SMARCA2: variants seen among roughly 807,000 people sequenced by gnomAD.
SMARCA2 encodes the protein SWI/SNF related BAF chromatin remodeling complex subunit ATPase 2.
A neutral mutation model predicts 199.8 loss-of-function variants in SMARCA2; 61 were observed. That is an observed-to-expected ratio of 0.31 (90% confidence interval 0.25 to 0.38). The LOEUF (loss-of-function observed/expected upper bound fraction) is 0.38. Among genes scored for constraint, SMARCA2 ranks in the 10% least tolerant of loss-of-function variants. The pLI, the probability that SMARCA2 is intolerant of heterozygous loss-of-function variation, is 1.00. For synonymous variants in SMARCA2, 935 were observed against 732.0 expected, an observed-to-expected ratio of 1.28 and a Z score of -4.48; for missense variants, 1,344 against 2,012.2, an observed-to-expected ratio of 0.67 and a Z score of 6.35.
At position 2,103,993 on chromosome 9, in the gene SMARCA2, T is replaced by C; in HGVS notation, c.3126-10T>C. The C allele has an allele frequency of 2.5e-6, 4 of 1,609,794 alleles. No individual in the cohort carries two copies. Among genetic ancestry groups the C allele is most frequent in the South Asian group, 1.1e-5 (1 of 90,372 alleles). ...ACTGTCTTCTTGTTTTTGCATTTTTTTGGGTTCAGGGCTGAACTGTATCGG... is the reference window on the plus strand; with the variant it reads ...ACTGTCTTCTTGTTTTTGCATTTTTCTGGGTTCAGGGCTGAACTGTATCGG... On this transcript the variant is annotated splice_polypyrimidine_tract_variant and intron_variant, in intron 22 of 33. Coordinates refer to ENST00000349721, the MANE Select transcript of SMARCA2 (RefSeq NM_003070.5).
At chr9:2,189,381 G>A (rs890068277) in intron 32 of SMARCA2, among the ~76,000 whole-genome samples, 7 of 151,930 alleles carry the variant, frequency 4.6e-5, no homozygotes, top group Admixed American at 6.6e-5. Flanking sequence ...ATTAGAGTGC[G>A]CCACACTCCA....
At chr9:2,073,478 T>C (rs1396795983) in intron 11 of SMARCA2, 88 bp from the exon 12 acceptor site, 19 of 1,449,422 alleles carry the variant, frequency 1.3e-5, no homozygotes, top group Admixed American at 3.8e-5. Flanking sequence ...CTTTTATACA[T>C]AGAATGTGCT....
rs1823339848 is a variant in SMARCA2, at chr9:2,119,121, T to C, written c.3685-337T>C. On this transcript the variant is annotated intron_variant, in intron 25 of 33. Transcript: ENST00000349721. This position sits in a 1 kb window ranked among gnomAD's most constrained non-coding sequence, Gnocchi z 4.6. ...TCCTTATTAAAATCTTACATCCCCATGTGAAATAGATGTCATACCCATATG... is the reference window on the plus strand; with the variant it reads ...TCCTTATTAAAATCTTACATCCCCACGTGAAATAGATGTCATACCCATATG... Among the ~76,000 whole-genome samples, 3 of 152,200 alleles carry C rather than the reference T, an allele frequency of 2.0e-5. No homozygotes were observed.
chr9:2,033,158 G>A, intron 3 of SMARCA2, 77 bp downstream of exon 3: 2 of 1,492,890 alleles, frequency 1.3e-6, no homozygotes, highest in Non-Finnish European at 1.8e-6. Context: ...TTTTAATTAT[G>A]AATTCCAAAG....
chr9:2,182,107 T>A (rs750908255), intron 30 of SMARCA2, 34 bp from the exon 31 acceptor site: 1 of 1,379,996 alleles, frequency 7.2e-7, no homozygotes, highest in South Asian at 1.2e-5. Context: ...CCTCTCCCTC[T>A]TTTTTTCTCC....
At chr9:2,072,128 C>T (rs1350708508) in intron 10 of SMARCA2, 1 of 152,094 alleles carries the variant, frequency 6.6e-6, no homozygotes. Flanking sequence ...AGAAGATAAA[C>T]GATAGCATAC....
chr9:2,076,630 G>A (rs561895582), intron 13 of SMARCA2, among the ~76,000 whole-genome samples: 13 of 151,346 alleles, frequency 8.6e-5, no homozygotes, highest in East Asian at 2.0e-4. Flanking sequence ...CACACCTGTC[G>A]TCTGCACCTC....
chr9:2,185,883 A>G (rs1827408092), intron 31 of SMARCA2, among the ~76,000 whole-genome samples: 1 of 152,234 alleles, frequency 6.6e-6, no homozygotes, highest in African/African-American at 2.4e-5. Flanking sequence ...GCACTTTGAA[A>G]TAATTTCAAC....
At chr9:2,191,136 C>A in intron 32 of SMARCA2, 130 bp from the exon 33 acceptor site, 2 of 858,186 alleles carry the variant, frequency 2.3e-6, no homozygotes, top group South Asian at 1.6e-5. Context: ...ACAGAACAGG[C>A]ATAAACCGGG....
chr9:2,090,984 T>G (rs1822029312), intron 19 of SMARCA2, among the ~76,000 whole-genome samples: 1 of 152,128 alleles, frequency 6.6e-6, no homozygotes, highest in African/African-American at 2.4e-5. Flanking sequence ...GGATAAAGAA[T>G]CCAGAAAGGA....
At chr9:2,122,210 A>G (rs1349764595) in intron 26 of SMARCA2, among the ~76,000 whole-genome samples, 1 of 152,246 alleles carries the variant, frequency 6.6e-6, no homozygotes, top group African/African-American at 2.4e-5. Flanking sequence ...ATGTCCATAG[A>G]AATGTATTGA....
At chr9:2,076,973 A>G (rs1173021211) in intron 13 of SMARCA2, among the ~76,000 whole-genome samples, 1 of 152,164 alleles carries the variant, frequency 6.6e-6, no homozygotes, top group Non-Finnish European at 1.5e-5. Context: ...AACCAGAAAT[A>G]GACATCCTAA....
At chr9:2,186,017 T>C (rs1827423447) in intron 31 of SMARCA2, 79 bp from the exon 32 acceptor site, 1 of 1,318,498 alleles carries the variant, frequency 7.6e-7, no homozygotes. Context: ...TGAATTAAGC[T>C]GGTGTATTGC....
At chr9:2,035,337 C>T (rs748514526) in intron 3 of SMARCA2, among the ~76,000 whole-genome samples, 2 of 152,292 alleles carry the variant, frequency 1.3e-5, no homozygotes, top group Non-Finnish European at 2.9e-5. Context: ...GCCACCATGC[C>T]TGGCCTTAAA....
rs567847242 is a variant in SMARCA2 at position 2,147,679 on chromosome 9, C to G, written c.3982-14007C>G. Among the ~76,000 whole-genome samples, 6 of 146,526 alleles carry G rather than the reference C, an allele frequency of 4.1e-5. No individual in the cohort carries two copies. The East Asian group carries it at 1.2e-3, about 28-fold the overall frequency. ...TGGCCAACACGGCAAAACCCTGTCT[C>G]TACTAAAAATACGAAAATTAGCGGG... On this transcript the variant is annotated intron_variant, in intron 27 of 33. Transcript: ENST00000349721.
At position 2,170,547 on chromosome 9, in the gene SMARCA2, A is replaced by C. The variant is rs3793512; in HGVS notation, c.4253+75A>C. ...TTACGTGAAACAGATTGAATCATAT[A>C]ATCGGCCTTTGGAAGCAAATTTCTT... On this transcript the variant is annotated intron_variant, in intron 29 of 33. Transcript: ENST00000349721. This position sits in a 1 kb window ranked among gnomAD's most constrained non-coding sequence, Gnocchi z 4.7. 1,524 of 1,609,372 alleles carry C rather than the reference A, an allele frequency of 9.5e-4. 34 individuals are homozygous for C. The East Asian group carries it at 0.033, about 35-fold the overall frequency.
chr9:2,161,729 G>A lies in SMARCA2; in HGVS notation c.4025G>A (p.Arg1342Gln). The A allele has an allele frequency of 6.2e-7, 1 of 1,613,982 alleles. No homozygotes were observed. The highest frequency in any genetic ancestry group is 8.5e-7 in the Non-Finnish European group (1 of 1,179,944). Residue 1342 changes from arginine (R) to glutamine (Q), a missense_variant, in exon 28 of 34, where the codon CGG (arginine) becomes CAG (glutamine). Physicochemically the swap from Arg to Gln is conservative, Grantham distance 43. Transcript: ENST00000349721. The surrounding 1 kb of genome is among the most constrained non-coding windows in gnomAD (Gnocchi z 4.7). ...TTGGAGGAAATGGAAGAGGAAGTAC[G>A]GCTTAAGAAGCGAAAAAGACGAAGA... ...GNLEEMEEEV[R>Q]LKKRKRRRNV...
In SMARCA2 at chr9:2,170,396, G is replaced by A; in HGVS notation, c.4200-23G>A. ...CGAGAACCCAGGTCTTCTGACTCTAGTGTTCTTTCTACTCTACCGCAGGTG... is the reference window on the plus strand; with the variant it reads ...CGAGAACCCAGGTCTTCTGACTCTAATGTTCTTTCTACTCTACCGCAGGTG... On this transcript the variant is annotated intron_variant, in intron 28 of 33. Coordinates refer to ENST00000349721, the MANE Select transcript of SMARCA2 (RefSeq NM_003070.5). This position sits in a 1 kb window ranked among gnomAD's most constrained non-coding sequence, Gnocchi z 4.7. The A allele has an allele frequency of 6.2e-7, 1 of 1,614,026 alleles. No individual in the cohort carries two copies. Among genetic ancestry groups the A allele is most frequent in the Admixed American group, 1.7e-5 (1 of 60,012 alleles).
At chr9:2,142,448 C>A (rs922421382) in intron 27 of SMARCA2, among the ~76,000 whole-genome samples, 3 of 151,942 alleles carry the variant, frequency 2.0e-5, no homozygotes, top group African/African-American at 4.8e-5. Flanking sequence ...ATTTGGTATT[C>A]TCTCTCTCTC....
Sources: gnomAD v4.1 joint callset for allele counts (sites outside exome capture counted in the v4.1 genomes callset) on GRCh38, gnomAD v4.1.1 for gene constraint, Gnocchi (gnomAD v3.1) non-coding constraint, MANE v1.5 for transcripts, NCBI Gene and HGNC (gene_info 2026-07-23, HGNC 2026-07-21) for gene names.